The following DYNLT5 variants were observed in gnomAD, a reference collection of about 807,000 sequenced individuals.
The protein encoded by DYNLT5 is dynein light chain Tctex-type 5.
A neutral mutation model predicts 19.3 loss-of-function variants in DYNLT5; 25 were observed. The ratio of observed to expected loss-of-function variants is 1.30; its 90% confidence interval spans 0.95 to 1.81. DYNLT5 has a LOEUF of 1.81. Among genes scored for constraint, DYNLT5 ranks in the 40% most tolerant of loss-of-function variants. DYNLT5 has a pLI of 0.00. For synonymous variants in DYNLT5, 82 were observed against 68.9 expected, an observed-to-expected ratio of 1.19 and a Z score of -0.94; for missense variants, 232 against 217.9, an observed-to-expected ratio of 1.06 and a Z score of -0.41.
chr1:66,778,718 A>T lies in DYNLT5; in HGVS notation c.*1264A>T, dbSNP rs2150870803. 1 of 152,644 alleles carries T rather than the reference A, an allele frequency of 6.6e-6. No homozygotes were observed. Among genetic ancestry groups the T allele is most frequent in the South Asian group, 2.1e-4 (1 of 4,832 alleles). The allele number at this position is 152,644 out of a possible 1,614,324, so 9.5% of individuals were successfully genotyped here. A position where few individuals can be genotyped will look rare whatever the true frequency, so the allele number is the denominator to read the frequency against. On this transcript the variant is annotated 3_prime_UTR_variant, in exon 5 of 5. Coordinates refer to ENST00000282670, the MANE Select transcript of DYNLT5 (RefSeq NM_152665.3). ...CTTTTCCCTAAAAATGACATGTAGT[A>T]AAAAATGGATACTTTTAAAATCCCT...
At chr1:66,762,892 T>A (rs59470667) in intron 2 of DYNLT5, among the ~76,000 whole-genome samples, 2,338 of 152,296 alleles carry the variant, frequency 0.015, 62 homozygotes, top group African/African-American at 0.053. Flanking sequence ...AAAGAAAAGA[T>A]AAATGTTTGA....
intron 2 of DYNLT5, among the ~76,000 whole-genome samples, chr1:66,762,521 G>A (rs915975045): frequency 7.2e-5 from 11 of 152,162 alleles, no homozygotes; most frequent in African/African-American, 2.4e-4. Context: ...CTGAGGGCTA[G>A]AATCAACTTC....
Position 66,776,284 on chromosome 1 carries a change from C to T in DYNLT5, c.217C>T (p.Pro73Ser). Residue 73 changes from proline (P) to serine (S), a missense_variant, in exon 4 of 5, where the codon CCC becomes TCC. Physicochemically the swap from Pro to Ser is moderately conservative, Grantham distance 74. Coordinates refer to ENST00000282670, the MANE Select transcript of DYNLT5 (RefSeq NM_152665.3). ...AATTTTATGTGTATTTTCAGGTCCTCCCAAACATTTTCCTGTGGTCACCGT... is the reference window on the plus strand; with the variant it reads ...AATTTTATGTGTATTTTCAGGTCCTTCCAAACATTTTCCTGTGGTCACCGT... The part of the protein sequence containing the change: ...QMENTYQLGP[P>S]KHFPVVTVNH... 6.2e-7 allele frequency: 1 copy of T among 1,612,030 alleles called. No individual in the cohort carries two copies. The highest frequency in any genetic ancestry group is 1.1e-5 in the South Asian group (1 of 90,558).
intron 2 of DYNLT5, among the ~76,000 whole-genome samples, chr1:66,764,939 A>G (rs1221710313): frequency 6.6e-6 from 1 of 152,140 alleles, no homozygotes; most frequent in African/African-American, 2.4e-5. Context: ...ATATCCATGG[A>G]TAGTCTTAGG....
chr1:66,777,422 C>T lies in DYNLT5; in HGVS notation c.508C>T (p.Leu170Phe), dbSNP rs1462879860. The T allele has an allele frequency of 1.9e-6, 3 of 1,613,766 alleles. No homozygotes were observed. The South Asian group carries it at 3.3e-5, about 18-fold the overall frequency. The change falls in exon 5 of 5, where the codon CTT (leucine) becomes TTT (phenylalanine). Residue 170 changes from leucine (L) to phenylalanine (F), a missense_variant. By Grantham distance (22) the Leu-to-Phe change is conservative. Transcript: ENST00000282670. ...YVFRNSSLFA[L>F]ANVYAVYLE ...TTTCAGAAATTCTTCTCTCTTCGCT[C>T]TTGCAAATGTCTATGCAGTTTACCT...
rs1011558904 is a variant in DYNLT5, at chr1:66,778,234, A to C, written c.*780A>C. ...GTAACACATAAAATCATTTATTGGAAAGAGACATTGCTTTTAAATATCCTA... is the reference window on the plus strand; with the variant it reads ...GTAACACATAAAATCATTTATTGGACAGAGACATTGCTTTTAAATATCCTA... On this transcript the variant is annotated 3_prime_UTR_variant, in exon 5 of 5. Coordinates refer to ENST00000282670, the MANE Select transcript of DYNLT5 (RefSeq NM_152665.3). The C allele has an allele frequency of 2.6e-5, 4 of 152,654 alleles. No homozygotes were observed. Among genetic ancestry groups the C allele is most frequent in the African/African-American group, 9.6e-5 (4 of 41,470 alleles). The allele number at this position is 152,654 out of a possible 1,614,324, so 9.5% of individuals were successfully genotyped here.
At chr1:66,772,015 C>A (rs1645206948) in intron 3 of DYNLT5, among the ~76,000 whole-genome samples, 1 of 152,208 alleles carries the variant, frequency 6.6e-6, no homozygotes, top group African/African-American at 2.4e-5. Context: ...TTATGCTTGA[C>A]AATTCCCTTT....
In DYNLT5 at chr1:66,765,501, C is replaced by G. The variant is rs183719873; in HGVS notation, c.120-4886C>G. ...CTGAAATTATTGTTACCATCTCTAA[C>G]TGTCATAATAAAAAGACATGCCTTG... On this transcript the variant is annotated intron_variant, in intron 2 of 4. Coordinates refer to ENST00000282670, the MANE Select transcript of DYNLT5 (RefSeq NM_152665.3). Among the ~76,000 whole-genome samples the G allele has an allele frequency of 1.5e-3, 221 of 152,242 alleles. 4 individuals are homozygous for G. Among genetic ancestry groups the G allele is most frequent in the Admixed American group, 0.012 (185 of 15,300 alleles).
intron 2 of DYNLT5, among the ~76,000 whole-genome samples, chr1:66,761,114 C>G (rs575584104): frequency 6.6e-5 from 10 of 152,106 alleles, no homozygotes; most frequent in African/African-American, 2.4e-4. Context: ...TAAAATGGAG[C>G]AAATAATGTG....
chr1:66,770,343 T>C, intron 2 of DYNLT5, 44 bp from the exon 3 acceptor site: 1 of 1,236,732 alleles, frequency 8.1e-7, no homozygotes, highest in Non-Finnish European at 1.2e-6. Flanking sequence ...TTTGTTATTA[T>C]TGTTATAATA....
At chr1:66,770,105 C>T (rs1196446942) in intron 2 of DYNLT5, among the ~76,000 whole-genome samples, 1 of 152,156 alleles carries the variant, frequency 6.6e-6, no homozygotes, top group East Asian at 1.9e-4. Flanking sequence ...CATACACATA[C>T]ATCAACCCAG....
At chr1:66,759,478 A>G (rs982154382) in intron 2 of DYNLT5, among the ~76,000 whole-genome samples, 1 of 152,204 alleles carries the variant, frequency 6.6e-6, no homozygotes, top group Non-Finnish European at 1.5e-5. Flanking sequence ...GATACAATAG[A>G]CATAATTAAT....
intron 2 of DYNLT5, among the ~76,000 whole-genome samples, chr1:66,763,086 T>G (rs2094648763): frequency 6.6e-6 from 1 of 152,228 alleles, no homozygotes; most frequent in Admixed American, 6.5e-5. Flanking sequence ...GAATGAATGT[T>G]GTGTTAGCAG....
At chr1:66,773,015 A>G (rs914301787) in intron 3 of DYNLT5, among the ~76,000 whole-genome samples, 11 of 152,190 alleles carry the variant, frequency 7.2e-5, no homozygotes, top group Non-Finnish European at 1.5e-4. Flanking sequence ...AAATGATGTT[A>G]TATGTTTAAA....
chr1:66,763,626 A>T (rs60335591), intron 2 of DYNLT5, among the ~76,000 whole-genome samples: 10 of 152,302 alleles, frequency 6.6e-5, no homozygotes, highest in Non-Finnish European at 1.3e-4. Context: ...TTGCACTTTT[A>T]TGTTACAGAG....
intron 3 of DYNLT5, chr1:66,770,696 A>C (rs2150866742): frequency 3.1e-6 from 2 of 646,042 alleles, no homozygotes; most frequent in East Asian, 6.1e-5. Context: ...CCCAAATGCC[A>C]AACAATTCAC....
In DYNLT5 at chr1:66,762,487, G is replaced by A. The variant is rs560526797; in HGVS notation, c.119+7710G>A. 2.0e-5 allele frequency among the ~76,000 whole-genome samples: 3 copies of A among 152,238 alleles called. No individual in the cohort carries two copies. In the South Asian group the frequency reaches 6.2e-4, roughly 32 times the overall value. On this transcript the variant is annotated intron_variant, in intron 2 of 4. Coordinates refer to ENST00000282670, the MANE Select transcript of DYNLT5 (RefSeq NM_152665.3). ...ATCTGCAGTTACTTCCTCCACTGAAGACTTGAACCCGTCAAAGTCATCCCT... is the reference window on the plus strand; with the variant it reads ...ATCTGCAGTTACTTCCTCCACTGAAAACTTGAACCCGTCAAAGTCATCCCT...
chr1:66,772,250 T>C (rs1285907651), intron 3 of DYNLT5, among the ~76,000 whole-genome samples: 1 of 152,214 alleles, frequency 6.6e-6, no homozygotes, highest in Non-Finnish European at 1.5e-5. Flanking sequence ...AACATCTGCT[T>C]CTGGTAAGAC....
intron 3 of DYNLT5, among the ~76,000 whole-genome samples, chr1:66,774,133 C>G (rs1302245099): frequency 6.6e-6 from 1 of 152,138 alleles, no homozygotes; most frequent in Non-Finnish European, 1.5e-5. Flanking sequence ...CCAGGACCCT[C>G]TTTCCAGCAC....
Sources: gnomAD v4.1 joint callset for allele counts (sites outside exome capture counted in the v4.1 genomes callset) on GRCh38, gnomAD v4.1.1 for gene constraint, MANE v1.5 for transcripts, NCBI Gene and HGNC (gene_info 2026-07-23, HGNC 2026-07-21) for gene names.